SLC20A2: variants seen among roughly 807,000 people sequenced by gnomAD.
SLC20A2 encodes solute carrier family 20 member 2.
In SLC20A2, 30 loss-of-function variants were observed where a neutral mutation model predicts 61.0. The observed-to-expected ratio is 0.49, with a 90% CI of 0.37 to 0.67. The LOEUF (loss-of-function observed/expected upper bound fraction) is 0.67, where lower values mean the gene tolerates loss of function less well. Among genes scored for constraint, SLC20A2 ranks in the 30% least tolerant of loss-of-function variants. The probability of loss-of-function intolerance (pLI) is 0.00; values close to 1 mark genes in which losing one functional copy is unlikely to be tolerated. For synonymous variants in SLC20A2, 351 were observed against 353.3 expected (o/e 0.99, Z 0.07); for missense variants, 626 against 866.4 (o/e 0.72, Z 3.48).
intron 1 of SLC20A2, among the ~76,000 whole-genome samples, chr8:42,524,806 T>TAAATAA (rs1278308957): frequency 6.7e-6 from 1 of 150,368 alleles, no homozygotes. Flanking sequence ...AATAAATAAA[T>TAAATAA]AAATAAAAAT....
intron 1 of SLC20A2, among the ~76,000 whole-genome samples, chr8:42,525,991 A>G (rs974198309): frequency 6.6e-6 from 1 of 152,212 alleles, no homozygotes. Context: ...CCTGTACAGA[A>G]CTCCAAATCA....
At chr8:42,477,037 A>G (rs1216133313) in intron 1 of SLC20A2, among the ~76,000 whole-genome samples, 1 of 152,200 alleles carries the variant, frequency 6.6e-6, no homozygotes, top group African/African-American at 2.4e-5. Context: ...GACTGTTACC[A>G]TTCTTAGCAG....
chr8:42,450,230 C>T (rs1190117494), intron 5 of SLC20A2, among the ~76,000 whole-genome samples: 16 of 149,062 alleles, frequency 1.1e-4, no homozygotes, highest in Admixed American at 8.7e-4. Flanking sequence ...TTTTTTCGTT[C>T]GTTCTTTTTT....
intron 10 of SLC20A2, among the ~76,000 whole-genome samples, chr8:42,420,153 T>C (rs1054935521): frequency 6.6e-6 from 1 of 151,400 alleles, no homozygotes; most frequent in African/African-American, 2.4e-5. Context: ...ACCACTGCAC[T>C]CCAGCCTGGG....
At chr8:42,493,198 C>G (rs150912017) in intron 1 of SLC20A2, among the ~76,000 whole-genome samples, 166 of 152,292 alleles carry the variant, frequency 1.1e-3, no homozygotes, top group Middle Eastern at 0.01. Flanking sequence ...AGTGGGAAGT[C>G]CCACTTTGTT....
chr8:42,534,096 C>G (rs1202770452), intron 1 of SLC20A2, among the ~76,000 whole-genome samples: 3 of 151,950 alleles, frequency 2.0e-5, no homozygotes, highest in African/African-American at 7.3e-5. Flanking sequence ...GTGGGTGGAT[C>G]ACCTGAGGTT....
At chr8:42,528,842 T>A (rs1372098830) in intron 1 of SLC20A2, among the ~76,000 whole-genome samples, 1 of 151,916 alleles carries the variant, frequency 6.6e-6, no homozygotes, top group Non-Finnish European at 1.5e-5. Flanking sequence ...AATTTTTGTA[T>A]TTTTAGTAGA....
chr8:42,471,336 G>T (rs987778871), intron 2 of SLC20A2: 4 of 414,596 alleles, frequency 9.6e-6, no homozygotes, highest in African/African-American at 4.1e-5. Flanking sequence ...AGGCCATGGG[G>T]ACATCACTCT....
intron 5 of SLC20A2, among the ~76,000 whole-genome samples, chr8:42,454,525 A>T (rs536334058): frequency 3.3e-4 from 51 of 152,282 alleles, no homozygotes; most frequent in African/African-American, 5.3e-4. Context: ...CTGACAGAAC[A>T]GCCACCCAAC....
At chr8:42,426,981 G>C (rs1400351129) in intron 10 of SLC20A2, among the ~76,000 whole-genome samples, 1 of 152,234 alleles carries the variant, frequency 6.6e-6, no homozygotes, top group Non-Finnish European at 1.5e-5. Context: ...ATTCCTTATA[G>C]TCTTGTATTG....
chr8:42,522,909 T>G (rs1476351037), intron 1 of SLC20A2, among the ~76,000 whole-genome samples: 1,569 of 43,066 alleles, frequency 0.036, 66 homozygotes, highest in African/African-American at 0.13. Flanking sequence ...GATGGCGGGG[T>G]GGGGGGGGTC....
rs1272330606 is a variant in SLC20A2, at chr8:42,422,520, T to C, written c.1795-4553A>G. ...AGAGGTTTTTTAGTTTTGTTTTTCTTCCTACATTGTGGGAAAGTTGAGATC... is the reference window on the plus strand; with the variant it reads ...AGAGGTTTTTTAGTTTTGTTTTTCTCCCTACATTGTGGGAAAGTTGAGATC... On this transcript the variant is annotated intron_variant, in intron 10 of 10. Transcript: ENST00000520262. Among the ~76,000 whole-genome samples, 4 of 152,194 alleles carry C rather than the reference T, an allele frequency of 2.6e-5. No individual in the cohort carries two copies. The East Asian group carries it at 7.7e-4, about 29-fold the overall frequency.
chr8:42,511,549 C>A (rs898529726), intron 1 of SLC20A2, among the ~76,000 whole-genome samples: 1 of 151,896 alleles, frequency 6.6e-6, no homozygotes, highest in Non-Finnish European at 1.5e-5. Flanking sequence ...ATCGCTTGAA[C>A]CTGGGAGGCA....
chr8:42,483,382 A>T (rs1441216567), intron 1 of SLC20A2, among the ~76,000 whole-genome samples: 3 of 152,196 alleles, frequency 2.0e-5, no homozygotes, highest in East Asian at 1.9e-4. Context: ...AAAAACAAAC[A>T]AACTAATTAA....
chr8:42,426,723 C>CA (rs1312074066), intron 10 of SLC20A2, among the ~76,000 whole-genome samples: 1 of 151,276 alleles, frequency 6.6e-6, no homozygotes, highest in African/African-American at 2.4e-5. Flanking sequence ...CAAAACAAAA[C>CA]AAAAAAAAGC....
Position 42,522,910 on chromosome 8 carries a change from G to A in SLC20A2, c.-265+18911C>T, listed in dbSNP as rs1025841999. On this transcript the variant is annotated intron_variant, in intron 1 of 10. Transcript: ENST00000342228. ...AAAAAATCTGTAGAGATGGCGGGGT[G>A]GGGGGGGTCTCTCTGTGTTGCCCAG... 2.0e-4 allele frequency among the ~76,000 whole-genome samples: 8 copies of A among 39,408 alleles called. No individual in the cohort carries two copies. In the South Asian group the frequency reaches 4.4e-3, roughly 22 times the overall value. 25.9% of individuals were successfully genotyped at this position (39,408 alleles called of 152,430 possible). A position where few individuals can be genotyped will look rare whatever the true frequency, so the allele number is the denominator to read the frequency against.
At chr8:42,489,922 G>T (rs1388873695) in intron 1 of SLC20A2, among the ~76,000 whole-genome samples, 1 of 152,166 alleles carries the variant, frequency 6.6e-6, no homozygotes, top group African/African-American at 2.4e-5. Flanking sequence ...TGTGTTGGTG[G>T]TCACAAAAAT....
intron 2 of SLC20A2, among the ~76,000 whole-genome samples, chr8:42,469,949 A>G (rs576678442): frequency 6.6e-6 from 1 of 151,970 alleles, no homozygotes; most frequent in East Asian, 1.9e-4. Context: ...AAAAGATTTA[A>G]TTTTGTCAGT....
chr8:42,420,244 T>G (rs888731695), intron 10 of SLC20A2, among the ~76,000 whole-genome samples: 4 of 152,132 alleles, frequency 2.6e-5, no homozygotes, highest in African/African-American at 4.8e-5. Flanking sequence ...TAAAATCTAA[T>G]GTGTTCCTTA....
Sources: allele counts gnomAD v4.1 joint callset (sites outside exome capture counted in the v4.1 genomes callset), GRCh38; gene constraint gnomAD v4.1.1; transcripts MANE v1.5; gene names NCBI Gene and HGNC (gene_info 2026-07-23, HGNC 2026-07-21).